SLC2A9: variants seen among roughly 807,000 people sequenced by gnomAD.
SLC2A9 encodes solute carrier family 2 member 9.
Under a neutral mutation model 50.6 loss-of-function variants are expected in SLC2A9, and 39 were observed. The ratio of observed to expected loss-of-function variants is 0.77; its 90% CI spans 0.60 to 1.01. The LOEUF (loss-of-function observed/expected upper bound fraction) is 1.01, where lower values mean the gene tolerates loss of function less well. Among genes scored for constraint, SLC2A9 ranks in the 50% least tolerant of loss-of-function variants. The pLI is 0.00. For missense variants in SLC2A9, 686 were observed against 677.6 expected (o/e 1.01, Z -0.14); for synonymous variants, 324 against 276.9 (o/e 1.17, Z -1.69).
intron 10 of SLC2A9, among the ~76,000 whole-genome samples, chr4:9,864,198 T>G (rs1732086802): frequency 6.6e-6 from 1 of 152,090 alleles, no homozygotes; most frequent in Non-Finnish European, 1.5e-5. Flanking sequence ...CACAGCCATT[T>G]CAAGAAACAG....
chr4:9,941,987 A>T lies in SLC2A9; in HGVS notation c.740T>A (p.Leu247Gln). The T allele has an allele frequency of 6.2e-7, 1 of 1,614,208 alleles. No individual in the cohort carries two copies. Among genetic ancestry groups the T allele is most frequent in the Non-Finnish European group, 8.5e-7 (1 of 1,180,026 alleles). Residue 247 changes from leucine to glutamine, a missense_variant, in exon 6 of 12, where the codon CTG becomes CAG. By Grantham distance (113) the Leu-to-Gln change is moderately radical (BLOSUM62 -2). Coordinates refer to ENST00000264784, the MANE Select transcript of SLC2A9 (RefSeq NM_020041.3). ...VIVVPAVVQL[L>Q]SLPFLPDSPR... ...GCTGTCCGGGAGAAAGGGAAGGCTCAGCAGCTGGACAACGGCAGGGACCAC... is the reference window on the plus strand; with the variant it reads ...GCTGTCCGGGAGAAAGGGAAGGCTCTGCAGCTGGACAACGGCAGGGACCAC...
intron 1 of SLC2A9, among the ~76,000 whole-genome samples, chr4:10,031,849 G>A (rs1270394884): frequency 6.6e-6 from 1 of 152,182 alleles, no homozygotes; most frequent in Non-Finnish European, 1.5e-5. Flanking sequence ...TTAAGATTTA[G>A]CCACTGTCCC....
intron 10 of SLC2A9, among the ~76,000 whole-genome samples, chr4:9,861,423 C>T (rs1412073513): frequency 6.6e-6 from 1 of 152,120 alleles, no homozygotes; most frequent in African/African-American, 2.4e-5. Context: ...GATCCAATCA[C>T]CTCCCACCAT....
chr4:9,939,584 C>G (rs1041896411), intron 6 of SLC2A9, among the ~76,000 whole-genome samples: 5 of 150,594 alleles, frequency 3.3e-5, no homozygotes, highest in African/African-American at 1.2e-4. Flanking sequence ...GCCAAGTTAT[C>G]CCATCCTTGG....
intron 3 of SLC2A9, among the ~76,000 whole-genome samples, chr4:9,800,494 G>A (rs974616725): frequency 6.6e-6 from 1 of 152,166 alleles, no homozygotes. Flanking sequence ...GCCAAGCGGG[G>A]AGCTCTCAGA....
chr4:9,819,172 A>C (rs1412077286), intron 3 of SLC2A9, among the ~76,000 whole-genome samples: 1 of 151,140 alleles, frequency 6.6e-6, no homozygotes, highest in Non-Finnish European at 1.5e-5. Context: ...CAGTCAGCTC[A>C]GGAGTTCAAT....
downstream of SLC2A9, among the ~76,000 whole-genome samples, chr4:9,822,235 G>C (rs1724507180): frequency 6.6e-6 from 1 of 151,898 alleles, no homozygotes; most frequent in Non-Finnish European, 1.5e-5. Context: ...CCAATTTTTG[G>C]TTTCATCGAT....
At chr4:9,798,682 C>A (rs1720909284), downstream of SLC2A9, 1 of 152,202 alleles carries the variant, frequency 6.6e-6, no homozygotes, top group African/African-American at 2.4e-5. Flanking sequence ...TTAGAGATTT[C>A]TAGTCCAGCA....
chr4:9,939,364 TG>T (rs1417213196), intron 6 of SLC2A9, among the ~76,000 whole-genome samples: 1 of 152,102 alleles, frequency 6.6e-6, no homozygotes, highest in African/African-American at 2.4e-5. Flanking sequence ...GTGTTTTGGG[TG>T]TTTTGTTATG....
intron 5 of SLC2A9, among the ~76,000 whole-genome samples, chr4:9,946,214 A>C (rs748727979): frequency 1.8e-4 from 26 of 142,984 alleles, no homozygotes; most frequent in Non-Finnish European, 2.3e-4. Flanking sequence ...ACTCCCAGTC[A>C]GGTCAGGCGA....
chr4:9,811,430 A>G (rs1003467209), intron 3 of SLC2A9, among the ~76,000 whole-genome samples: 1 of 152,154 alleles, frequency 6.6e-6, no homozygotes, highest in Non-Finnish European at 1.5e-5. Context: ...CTCCTTTCTA[A>G]CACTGCTGCT....
chr4:9,801,127 G>GA (rs1721350000), intron 3 of SLC2A9, among the ~76,000 whole-genome samples: 1 of 150,278 alleles, frequency 6.7e-6, no homozygotes, highest in South Asian at 2.1e-4. Context: ...GTTGTCAGGA[G>GA]GAAAAAAAAA....
intron 3 of SLC2A9, among the ~76,000 whole-genome samples, chr4:9,811,035 A>C (rs1292194157): frequency 6.6e-6 from 1 of 152,214 alleles, no homozygotes; most frequent in Middle Eastern, 3.2e-3. Context: ...AGAGTTGTCC[A>C]TGAGATTATT....
At chr4:9,842,572 G>A (rs1202464725) in intron 10 of SLC2A9, among the ~76,000 whole-genome samples, 2 of 152,312 alleles carry the variant, frequency 1.3e-5, no homozygotes, top group African/African-American at 4.8e-5. Flanking sequence ...GACTGGAAGA[G>A]ATAGGACATG....
In SLC2A9 at chr4:9,985,656, G is replaced by A. The variant is rs778799748; in HGVS notation, c.535+13C>T. On this transcript the variant is annotated intron_variant, in intron 4 of 11. Transcript: ENST00000264784. ...TATGTTACTGTTCCCTCCCCGTCAT[G>A]GTGAACTCTCACCTCCATCTATGCC... 1 of 1,613,938 alleles carries A rather than the reference G, an allele frequency of 6.2e-7. No homozygotes were observed. Among genetic ancestry groups the A allele is most frequent in the Admixed American group, 1.7e-5 (1 of 60,000 alleles).
intron 3 of SLC2A9, among the ~76,000 whole-genome samples, chr4:9,819,259 T>C (rs939132): frequency 0.94 from 142,903 of 152,210 alleles, 67,379 homozygotes; most frequent in Non-Finnish European, 0.96. Flanking sequence ...ATCACCACTC[T>C]GCTACTCCAC....
intron 1 of SLC2A9, among the ~76,000 whole-genome samples, chr4:9,771,931 G>T: frequency 6.6e-6 from 1 of 152,238 alleles, no homozygotes; most frequent in Non-Finnish European, 1.5e-5. Flanking sequence ...GGAATGGGTG[G>T]AAGAGGGGTC....
Position 9,985,680 on chromosome 4 carries a change from C to T in SLC2A9, c.524G>A (p.Gly175Asp). 6.2e-7 allele frequency: 1 copy of T among 1,614,004 alleles called. No individual in the cohort carries two copies. ...TGGTGAACTCTCACCTCCATCTATG[C>T]CCATGATGAAGCGTCCCACGATGAG... The part of the protein sequence containing the change: ...EMLIVGRFIM[G>D]IDGGVALSVL... Residue 175 changes from glycine to aspartate, a missense_variant, in exon 4 of 12, where the codon GGC becomes GAC. By Grantham distance (94) the Gly-to-Asp change is moderately conservative. Transcript: ENST00000264784.
intron 3 of SLC2A9, among the ~76,000 whole-genome samples, chr4:9,805,709 T>C (rs1577338553): frequency 2.4e-5 from 3 of 125,730 alleles, no homozygotes; most frequent in Non-Finnish European, 1.7e-5. Flanking sequence ...TTTTTTTGTC[T>C]CAAAAAAAAA....
Sources: allele counts gnomAD v4.1 joint callset (sites outside exome capture counted in the v4.1 genomes callset), GRCh38; gene constraint gnomAD v4.1.1; transcripts MANE v1.5; gene names NCBI Gene and HGNC (gene_info 2026-07-23, HGNC 2026-07-21).